Variants in NBEA observed in about 807,000 individuals in gnomAD.
The protein encoded by NBEA is neurobeachin.
Under a neutral mutation model 343.4 loss-of-function variants are expected in NBEA, and 44 were observed. The ratio of observed to expected loss-of-function variants is 0.13; its 90% CI spans 0.10 to 0.16. The LOEUF (loss-of-function observed/expected upper bound fraction) is 0.16. Ranked by LOEUF, NBEA falls within the 10% of genes least tolerant of loss-of-function variation. The pLI is 1.00. For missense variants in NBEA, 2,555 were observed against 3,631.3 expected, an observed-to-expected ratio of 0.70 and a Z score of 7.62; for synonymous variants, 1,175 against 1,238.7, an observed-to-expected ratio of 0.95 and a Z score of 1.08.
In NBEA at chr13:35,332,202, C is replaced by T. The variant is rs1372206138; in HGVS notation, c.5904-16906C>T. On this transcript the variant is annotated intron_variant, in intron 36 of 58. Transcript: ENST00000379939. ...TTTTACAGTTTTAGAAAGTGAAAGA[C>T]TTTTTAAAAGAAAATAAGAGGAAAT... 2.6e-5 allele frequency among the ~76,000 whole-genome samples: 4 copies of T among 151,902 alleles called. No homozygotes were observed. The East Asian group carries it at 7.7e-4, about 29-fold the overall frequency.
intron 44 of NBEA, among the ~76,000 whole-genome samples, chr13:35,563,144 T>TAGATAG (rs1398063767): frequency 1.4e-3 from 205 of 143,328 alleles, no homozygotes; most frequent in Middle Eastern, 7.3e-3. Context: ...GATAGATAGA[T>TAGATAG]AGATAGATAG....
At chr13:35,572,271 G>A (rs896035077) in intron 45 of NBEA, among the ~76,000 whole-genome samples, 12 of 152,134 alleles carry the variant, frequency 7.9e-5, no homozygotes, top group African/African-American at 1.2e-4. Flanking sequence ...TTAAATTACA[G>A]TGGTTACATG....
chr13:35,588,259 G>T (rs776481244), intron 46 of NBEA, among the ~76,000 whole-genome samples: 32 of 152,158 alleles, frequency 2.1e-4, no homozygotes, highest in East Asian at 5.8e-4. Flanking sequence ...CTTATGTCAC[G>T]TGGTTATAAA....
At chr13:35,134,028 A>G (rs2067578512) in intron 17 of NBEA, among the ~76,000 whole-genome samples, 1 of 152,034 alleles carries the variant, frequency 6.6e-6, no homozygotes, top group South Asian at 2.1e-4. Context: ...CCAAAACACA[A>G]TGAGTTGAAC....
intron 38 of NBEA, among the ~76,000 whole-genome samples, chr13:35,362,084 G>T (rs1004478194): frequency 6.6e-6 from 1 of 151,880 alleles, no homozygotes; most frequent in African/African-American, 2.4e-5. Context: ...TACATGGCCT[G>T]GGAAAGGTTT....
At chr13:35,602,473 A>G (rs1199615479) in intron 47 of NBEA, among the ~76,000 whole-genome samples, 1 of 152,198 alleles carries the variant, frequency 6.6e-6, no homozygotes. Context: ...AGAGAGCTTT[A>G]GTCACTGATA....
chr13:34,962,009 T>A (rs746014938), intron 1 of NBEA, among the ~76,000 whole-genome samples: 4 of 152,066 alleles, frequency 2.6e-5, no homozygotes, highest in Non-Finnish European at 5.9e-5. Flanking sequence ...TGAAATGATA[T>A]TTTGGATATT....
At chr13:35,178,890 A>T (rs553096957) in intron 28 of NBEA, among the ~76,000 whole-genome samples, 1 of 151,624 alleles carries the variant, frequency 6.6e-6, no homozygotes, top group East Asian at 1.9e-4. Flanking sequence ...ATGTGTTGTG[A>T]AAAGGATTTT....
chr13:35,484,612 C>G (rs1459834963), intron 41 of NBEA, among the ~76,000 whole-genome samples: 1 of 151,832 alleles, frequency 6.6e-6, no homozygotes, highest in Non-Finnish European at 1.5e-5. Flanking sequence ...CTCTTTATTT[C>G]ATTTGCTGTT....
intron 16 of NBEA, among the ~76,000 whole-genome samples, chr13:35,119,328 G>T (rs1244284486): frequency 6.6e-6 from 1 of 152,078 alleles, no homozygotes; most frequent in African/African-American, 2.4e-5. Flanking sequence ...CAGTTTTATT[G>T]TGAAAAAGAG....
chr13:35,460,936 G>A (rs751693265), intron 40 of NBEA, among the ~76,000 whole-genome samples: 33 of 152,208 alleles, frequency 2.2e-4, no homozygotes, highest in Admixed American at 7.2e-4. Flanking sequence ...TCCTGAGGCC[G>A]TACCCGGCAT....
intron 1 of NBEA, among the ~76,000 whole-genome samples, chr13:34,977,533 T>G (rs959560335): frequency 3.3e-5 from 5 of 152,184 alleles, no homozygotes; most frequent in Non-Finnish European, 2.9e-5. Flanking sequence ...GATCTCGAAC[T>G]CCTGACCTCA....
intron 38 of NBEA, among the ~76,000 whole-genome samples, chr13:35,367,033 C>T (rs573751219): frequency 5.0e-4 from 76 of 151,154 alleles, no homozygotes; most frequent in Middle Eastern, 3.4e-3. Context: ...TCTTTTTGAA[C>T]GATATTTTGT....
rs1169326179 is a variant in NBEA at position 35,139,923 on chromosome 13, A to G, written c.2337-2346A>G. The stretch of plus-strand genomic sequence containing the variant: ...ATTAAGCATCTGTATAAACGTTTGC[A>G]TTGGAGGAGATAATCAAGAGGGCAT... On this transcript the variant is annotated intron_variant, in intron 17 of 58. Transcript: ENST00000379939. 3.3e-5 allele frequency among the ~76,000 whole-genome samples: 5 copies of G among 152,218 alleles called. No individual in the cohort carries two copies. The East Asian group carries it at 9.7e-4, about 29-fold the overall frequency.
In NBEA at chr13:35,665,310, G is replaced by T. The variant is rs528745325; in HGVS notation, c.8464+124G>T. On this transcript the variant is annotated intron_variant, in intron 56 of 58. Coordinates refer to ENST00000379939, the MANE Select transcript of NBEA (RefSeq NM_001385012.1). ...GACAAATGGTATCCCAAAGTTATTT[G>T]TAGATGTTTAGTTTTATGATTAATA... 8.0e-5 allele frequency: 55 copies of T among 686,724 alleles called. No homozygotes were observed. The African/African-American group carries it at 8.4e-4, about 11-fold the overall frequency. The allele number at this position is 686,724 out of a possible 1,614,324, so 42.5% of individuals were successfully genotyped here.
intron 36 of NBEA, among the ~76,000 whole-genome samples, chr13:35,322,351 G>A (rs2152841421): frequency 6.6e-6 from 1 of 152,228 alleles, no homozygotes; most frequent in South Asian, 2.1e-4. Context: ...GCTAGGGTAG[G>A]GAGTTCCCTG....
intron 45 of NBEA, among the ~76,000 whole-genome samples, chr13:35,576,020 G>T (rs562340644): frequency 6.6e-6 from 1 of 151,640 alleles, no homozygotes; most frequent in African/African-American, 2.4e-5. Flanking sequence ...TTTGTTCCTC[G>T]TGTTGTCATT....
At chr13:35,433,611 A>G (rs888402174) in intron 39 of NBEA, among the ~76,000 whole-genome samples, 1 of 152,010 alleles carries the variant, frequency 6.6e-6, no homozygotes, top group African/African-American at 2.4e-5. Context: ...TTAAAAATAG[A>G]TAAGGATTTC....
chr13:35,581,993 C>T (rs1008691592), intron 45 of NBEA, among the ~76,000 whole-genome samples: 3 of 151,262 alleles, frequency 2.0e-5, no homozygotes, highest in Non-Finnish European at 4.4e-5. Flanking sequence ...AAATGAAAAA[C>T]TCATTACTTT....
Sources: allele counts gnomAD v4.1 joint callset (sites outside exome capture counted in the v4.1 genomes callset), GRCh38; gene constraint gnomAD v4.1.1; transcripts MANE v1.5; gene names NCBI Gene and HGNC (gene_info 2026-07-23, HGNC 2026-07-21).